ATF7IP2: variants seen among roughly 807,000 people sequenced by gnomAD.
ATF7IP2 encodes the protein activating transcription factor 7 interacting protein 2.
A neutral mutation model predicts 64.2 loss-of-function variants in ATF7IP2; 42 were observed. That is an observed-to-expected ratio of 0.65 (90% CI 0.51 to 0.85). The LOEUF is 0.85. Among genes scored for constraint, ATF7IP2 ranks in the 40% least tolerant of loss-of-function variants. The pLI, the probability that ATF7IP2 is intolerant of heterozygous loss-of-function variation, is 0.00. For synonymous variants in ATF7IP2, 308 were observed against 272.8 expected, an observed-to-expected ratio of 1.13 and a Z score of -1.27; for missense variants, 933 against 784.2, an observed-to-expected ratio of 1.19 and a Z score of -2.27.
At chr16:10,414,283 AT>A (rs1366211613) in intron 1 of ATF7IP2, among the ~76,000 whole-genome samples, 3 of 151,876 alleles carry the variant, frequency 2.0e-5, no homozygotes, top group South Asian at 2.1e-4. Context: ...ATATTTTCTT[AT>A]TCTTTTTTCT....
intron 1 of ATF7IP2, among the ~76,000 whole-genome samples, chr16:10,402,545 C>A (rs1355966631): frequency 3.3e-5 from 5 of 152,078 alleles, no homozygotes; most frequent in Admixed American, 2.0e-4. Flanking sequence ...CTTACTGCAG[C>A]CTTAACCTCC....
chr16:10,427,506 A>T (rs1244960712), intron 3 of ATF7IP2, among the ~76,000 whole-genome samples: 1 of 152,180 alleles, frequency 6.6e-6, no homozygotes, highest in African/African-American at 2.4e-5. Context: ...GTATCTAGAA[A>T]TTCACTCAGG....
intron 1 of ATF7IP2, among the ~76,000 whole-genome samples, chr16:10,408,971 G>C (rs879309610): frequency 3.3e-5 from 5 of 152,134 alleles, no homozygotes; most frequent in East Asian, 1.9e-4. Flanking sequence ...ACCAGCACTC[G>C]GGCAAAAGTT....
At chr16:10,445,691 G>C (rs1239073364) in intron 8 of ATF7IP2, 1 of 152,152 alleles carries the variant, frequency 6.6e-6, no homozygotes, top group Non-Finnish European at 1.5e-5. Flanking sequence ...ATTTTTAGTA[G>C]AGACAGGATT....
At chr16:10,422,172 C>T (rs2047999961) in intron 3 of ATF7IP2, among the ~76,000 whole-genome samples, 1 of 152,200 alleles carries the variant, frequency 6.6e-6, no homozygotes, top group Non-Finnish European at 1.5e-5. Flanking sequence ...CTAAAGCCTC[C>T]AGTTTCTCTT....
chr16:10,409,505 T>TA (rs397772622), intron 1 of ATF7IP2, among the ~76,000 whole-genome samples: 1 of 151,552 alleles, frequency 6.6e-6, no homozygotes, highest in African/African-American at 2.4e-5. Flanking sequence ...ATTTTTTTTT[T>TA]ATTGAGACTT....
Position 10,482,353 on chromosome 16 carries a change from C to CTGG in ATF7IP2, c.*104_*105insTGG. The CTGG allele has an allele frequency of 1.2e-6, 1 of 838,432 alleles. No homozygotes were observed. The highest frequency in any genetic ancestry group is 1.8e-6 in the Non-Finnish European group (1 of 544,474). The allele number at this position is 838,432 out of a possible 1,614,324, so 51.9% of individuals were successfully genotyped here. A position where few individuals can be genotyped will look rare whatever the true frequency, so the allele number is the denominator to read the frequency against. ...GTAAAAGGCCAGCTCAGATTGTGAG[C>CTGG]CCTTTCTATTGGGACAGTCCTCTTC... On this transcript the variant is annotated 3_prime_UTR_variant, in exon 14 of 14. Transcript: ENST00000562102.
chr16:10,389,597 A>G (rs2047280774), intron 1 of ATF7IP2, among the ~76,000 whole-genome samples: 1 of 152,268 alleles, frequency 6.6e-6, no homozygotes, highest in Non-Finnish European at 1.5e-5. Flanking sequence ...ATTACAGGAA[A>G]TCGACATGGC....
chr16:10,434,058 G>C (rs191078712), intron 6 of ATF7IP2, among the ~76,000 whole-genome samples: 1 of 151,566 alleles, frequency 6.6e-6, no homozygotes, highest in East Asian at 1.9e-4. Context: ...CCACAACCCA[G>C]AAGACTCAAA....
chr16:10,442,413 T>C (rs1046846131), intron 8 of ATF7IP2, among the ~76,000 whole-genome samples: 3 of 152,228 alleles, frequency 2.0e-5, no homozygotes, highest in Non-Finnish European at 2.9e-5. Context: ...AGGAAAGTTT[T>C]AGTAGGGGCT....
chr16:10,428,770 C>A (rs936643786), intron 3 of ATF7IP2, 98 bp from the exon 4 acceptor site: 1 of 152,150 alleles, frequency 6.6e-6, no homozygotes, highest in Non-Finnish European at 1.5e-5. Flanking sequence ...ATTTCGTTCT[C>A]ATCAATTTCC....
At chr16:10,468,910 A>G (rs1478433923) in intron 9 of ATF7IP2, among the ~76,000 whole-genome samples, 2 of 152,198 alleles carry the variant, frequency 1.3e-5, no homozygotes, top group African/African-American at 2.4e-5. Context: ...ACAGATGGTT[A>G]TTGCTTTAGT....
chr16:10,432,385 G>C (rs1214978791), intron 5 of ATF7IP2, among the ~76,000 whole-genome samples: 2 of 152,036 alleles, frequency 1.3e-5, no homozygotes, highest in Non-Finnish European at 1.5e-5. Flanking sequence ...ACTACAGAAT[G>C]GTCATTTAAC....
intron 1 of ATF7IP2, among the ~76,000 whole-genome samples, chr16:10,392,331 G>A (rs991091781): frequency 8.0e-5 from 12 of 150,064 alleles, no homozygotes; most frequent in South Asian, 2.1e-4. Flanking sequence ...GAGCCACTGC[G>A]CCTGGCCTTT....
At position 10,396,161 on chromosome 16, in the gene ATF7IP2, T is replaced by C. The variant is rs558938287; in HGVS notation, c.-242+10039T>C. 8.5e-4 allele frequency among the ~76,000 whole-genome samples: 130 copies of C among 152,202 alleles called. 5 individuals carry two copies. The South Asian group carries it at 0.026, about 31-fold the overall frequency. On this transcript the variant is annotated intron_variant, in intron 1 of 13. Transcript: ENST00000562102. ...ATTGAGGAAAGCATATATAATAGCA[T>C]CAAAAAGTAGTACAAAACATATACT...
chr16:10,400,481 TC>T (rs1173659140), intron 1 of ATF7IP2, among the ~76,000 whole-genome samples: 1 of 152,222 alleles, frequency 6.6e-6, no homozygotes, highest in African/African-American at 2.4e-5. Flanking sequence ...CTTTTCTTTC[TC>T]TCTCTTGCTT....
chr16:10,409,562 G>C (rs547887112), intron 1 of ATF7IP2, among the ~76,000 whole-genome samples: 1 of 151,422 alleles, frequency 6.6e-6, no homozygotes, highest in East Asian at 1.9e-4. Context: ...AAGTAGCTGA[G>C]ACTACAGGCC....
intron 9 of ATF7IP2, among the ~76,000 whole-genome samples, chr16:10,459,369 G>A (rs2049294166): frequency 1.3e-5 from 2 of 152,068 alleles, no homozygotes; most frequent in African/African-American, 4.8e-5. Context: ...TCAGGAGGCT[G>A]AGGCAGGAGA....
chr16:10,475,972 A>C (rs1293796597), intron 12 of ATF7IP2, among the ~76,000 whole-genome samples: 1 of 152,206 alleles, frequency 6.6e-6, no homozygotes, highest in African/African-American at 2.4e-5. Context: ...ATTATCATAA[A>C]GTTCAGCTTC....
Sources: allele counts gnomAD v4.1 joint callset (sites outside exome capture counted in the v4.1 genomes callset), GRCh38; gene constraint gnomAD v4.1.1; transcripts MANE v1.5; gene names NCBI Gene and HGNC (gene_info 2026-07-23, HGNC 2026-07-21).